PKHD1: variants seen among roughly 807,000 people sequenced by gnomAD.
PKHD1 encodes the protein fibrocystin.
In PKHD1, 291 loss-of-function variants were observed where a neutral mutation model predicts 412.0. That is an observed-to-expected ratio of 0.71 (90% confidence interval 0.64 to 0.78). PKHD1 has a LOEUF of 0.78. Among genes scored for constraint, PKHD1 ranks in the 30% least tolerant of loss-of-function variants. The probability of loss-of-function intolerance (pLI) is 0.00; values close to 1 mark genes in which losing one functional copy is unlikely to be tolerated. For missense variants in PKHD1, 4,825 were observed against 4,950.7 expected, an observed-to-expected ratio of 0.97 and a Z score of 0.76; for synonymous variants, 1,777 against 1,821.5, an observed-to-expected ratio of 0.98 and a Z score of 0.62.
chr6:52,044,887 A>G (rs770876240), intron 25 of PKHD1, 79 bp downstream of exon 25: 4 of 1,512,996 alleles, frequency 2.6e-6, no homozygotes, highest in Non-Finnish European at 3.7e-6. Context: ...TAAATCAATG[A>G]GTCCATGTTA....
At position 51,656,660 on chromosome 6, in the gene PKHD1, TTTC is replaced by T. The variant is rs1308394751; in HGVS notation, c.11174+2289_11174+2291del. ...CAGAGTTGGTAGCTTATAGCTTTTC[TTTC>T]TTTTTTTTTTTTTTTAAGACAGTAT... On this transcript the variant is annotated intron_variant, in intron 61 of 66. Coordinates refer to ENST00000371117, the MANE Select transcript of PKHD1 (RefSeq NM_138694.4). Among the ~76,000 whole-genome samples the T allele has an allele frequency of 1.7e-3, 162 of 96,510 alleles. 1 individual carries two copies. In the South Asian group the frequency reaches 0.029, roughly 18 times the overall value. 63.3% of individuals were successfully genotyped at this position (96,510 alleles called of 152,430 possible).
chr6:51,955,814 A>G (rs1234843616), intron 36 of PKHD1, among the ~76,000 whole-genome samples: 5 of 152,062 alleles, frequency 3.3e-5, no homozygotes. Flanking sequence ...TTTTGAAGAA[A>G]TTATTTTTGG....
At chr6:51,982,471 A>C (rs1795560644) in intron 35 of PKHD1, among the ~76,000 whole-genome samples, 1 of 136,562 alleles carries the variant, frequency 7.3e-6, no homozygotes, top group African/African-American at 2.6e-5. Context: ...ACTAAGAAAA[A>C]TTCTTCTGCC....
At chr6:51,910,700 G>A (rs1375664232) in intron 39 of PKHD1, among the ~76,000 whole-genome samples, 1 of 152,114 alleles carries the variant, frequency 6.6e-6, no homozygotes, top group Non-Finnish European at 1.5e-5. Flanking sequence ...GAATACCAAG[G>A]AAGTTTGAAT....
chr6:51,672,922 A>G (rs569024375), intron 60 of PKHD1, among the ~76,000 whole-genome samples: 24 of 152,328 alleles, frequency 1.6e-4, no homozygotes, highest in African/African-American at 5.5e-4. Flanking sequence ...CAATGTTATC[A>G]CTGTGTCAGT....
intron 60 of PKHD1, among the ~76,000 whole-genome samples, chr6:51,660,789 G>A (rs900256712): frequency 3.2e-4 from 48 of 152,112 alleles, no homozygotes; most frequent in African/African-American, 1.1e-3. Context: ...ACTTCCATGC[G>A]TTCAGCCACC....
At chr6:51,772,652 C>A in intron 55 of PKHD1, 50 bp downstream of exon 55, 1 of 872,902 alleles carries the variant, frequency 1.1e-6, no homozygotes, top group Admixed American at 2.0e-5. Flanking sequence ...CAAGCAGAAG[C>A]AACCTAAACA....
At chr6:51,910,870 C>T (rs1297210080) in intron 39 of PKHD1, among the ~76,000 whole-genome samples, 15 of 151,962 alleles carry the variant, frequency 9.9e-5, no homozygotes, top group Admixed American at 9.2e-4. Flanking sequence ...CTAACAACTC[C>T]CCACACCCAA....
intron 36 of PKHD1, among the ~76,000 whole-genome samples, chr6:51,936,578 T>A (rs929652839): frequency 4.6e-5 from 7 of 152,160 alleles, no homozygotes; most frequent in African/African-American, 1.7e-4. Flanking sequence ...TTAGTCATTA[T>A]CATGTAAACC....
intron 52 of PKHD1, among the ~76,000 whole-genome samples, chr6:51,808,345 G>T (rs888230626): frequency 3.3e-5 from 5 of 152,064 alleles, no homozygotes; most frequent in African/African-American, 1.2e-4. Context: ...AAACTGGCTG[G>T]CTGGAAGACA....
chr6:51,741,174 A>G, intron 60 of PKHD1: 1 of 518,976 alleles, frequency 1.9e-6, no homozygotes, highest in Non-Finnish European at 3.8e-6. Flanking sequence ...AGCATATTAC[A>G]CCATCTGGTA....
intron 60 of PKHD1, among the ~76,000 whole-genome samples, chr6:51,692,932 C>A (rs1778354079): frequency 6.6e-6 from 1 of 151,942 alleles, no homozygotes; most frequent in African/African-American, 2.4e-5. Context: ...ACATTTTTTG[C>A]TGTTCTTGAA....
chr6:51,744,688 T>C, intron 59 of PKHD1, 146 bp from the exon 60 acceptor site: 2 of 661,040 alleles, frequency 3.0e-6, no homozygotes, highest in East Asian at 2.7e-5. Flanking sequence ...AATAAAACTC[T>C]TTATGAAATA....
At chr6:51,748,772 G>T in intron 57 of PKHD1, 107 bp from the exon 58 acceptor site, 1 of 903,640 alleles carries the variant, frequency 1.1e-6, no homozygotes, top group Non-Finnish European at 1.8e-6. Context: ...GAAAATGTAA[G>T]TTTATTCTCA....
chr6:52,079,811 C>CA, intron 5 of PKHD1, 89 bp downstream of exon 5: 2 of 799,390 alleles, frequency 2.5e-6, no homozygotes, highest in South Asian at 2.7e-5. Flanking sequence ...GTCAAGCAGA[C>CA]ACGCTGGCTC....
chr6:51,616,773 A>C lies in PKHD1; in HGVS notation c.*2308T>G, dbSNP rs1766104111. 3 of 398,260 alleles carry C rather than the reference A, an allele frequency of 7.5e-6. No individual in the cohort carries two copies. Among genetic ancestry groups the C allele is most frequent in the South Asian group, 1.3e-4 (1 of 7,844 alleles). The allele number at this position is 398,260 out of a possible 1,614,324, so 24.7% of individuals were successfully genotyped here. A position where few individuals can be genotyped will look rare whatever the true frequency, so the allele number is the denominator to read the frequency against. ...AGGATAAAACATGCCTCCCAGAAAGACTGGTCTTGTGACACATAGAGGATA... is the reference window on the plus strand; with the variant it reads ...AGGATAAAACATGCCTCCCAGAAAGCCTGGTCTTGTGACACATAGAGGATA... On this transcript the variant is annotated 3_prime_UTR_variant, in exon 67 of 67. Coordinates refer to ENST00000371117, the MANE Select transcript of PKHD1 (RefSeq NM_138694.4).
At chr6:51,687,756 A>G (rs943277569) in intron 60 of PKHD1, among the ~76,000 whole-genome samples, 2 of 152,208 alleles carry the variant, frequency 1.3e-5, no homozygotes, top group Non-Finnish European at 2.9e-5. Context: ...TGTTCTTGTC[A>G]TAACATGATG....
At chr6:51,989,744 C>A (rs1017798689) in intron 35 of PKHD1, among the ~76,000 whole-genome samples, 1 of 151,102 alleles carries the variant, frequency 6.6e-6, no homozygotes, top group African/African-American at 2.4e-5. Flanking sequence ...CCAATTAGAC[C>A]ATTAAAATAC....
intron 10 of PKHD1, 131 bp from the exon 11 acceptor site, chr6:52,069,658 CCTTGGATAA>C: frequency 1.3e-6 from 1 of 767,250 alleles, no homozygotes; most frequent in East Asian, 2.4e-5. Context: ...ATAGCAGCTC[CCTTGGATAA>C]CTAAAGAACA....
Sources: allele counts gnomAD v4.1 joint callset (sites outside exome capture counted in the v4.1 genomes callset), GRCh38; gene constraint gnomAD v4.1.1; transcripts MANE v1.5; gene names NCBI Gene and HGNC (gene_info 2026-07-23, HGNC 2026-07-21).